Variants in HHAT observed in about 807,000 individuals in gnomAD.
HHAT encodes the protein hedgehog acyltransferase, also known as protein-cysteine N-palmitoyltransferase HHAT.
Under a neutral mutation model 70.8 loss-of-function variants are expected in HHAT, and 47 were observed. The ratio of observed to expected loss-of-function variants is 0.66; its 90% confidence interval spans 0.53 to 0.85. The LOEUF is 0.85. HHAT is among the 40% of genes least tolerant of loss of function. The pLI, the probability that HHAT is intolerant of heterozygous loss-of-function variation, is 0.00. For synonymous variants in HHAT, 228 were observed against 247.6 expected, an observed-to-expected ratio of 0.92 and a Z score of 0.74; for missense variants, 609 against 604.8, an observed-to-expected ratio of 1.01 and a Z score of -0.07.
At chr1:210,673,253 C>A (rs991930464) in intron 11 of HHAT, among the ~76,000 whole-genome samples, 4 of 152,084 alleles carry the variant, frequency 2.6e-5, no homozygotes, top group African/African-American at 9.7e-5. Context: ...TCTGGGGAGG[C>A]TGACCAAGAA....
Position 210,329,073 on chromosome 1 carries a change from T to C in HHAT, c.-75T>C. Reference sequence around the variant, plus strand: ...TGGGAACTCGCGGCGCGCGTGAACGTTGCCGTCGCCGCCGCCCGGGACAGC... The same window carrying C: ...TGGGAACTCGCGGCGCGCGTGAACGCTGCCGTCGCCGCCGCCCGGGACAGC... On this transcript the variant is annotated 5_prime_UTR_variant, in exon 1 of 12. Coordinates refer to ENST00000261458, the MANE Select transcript of HHAT (RefSeq NM_018194.6). 4 of 1,429,208 alleles carry C rather than the reference T, an allele frequency of 2.8e-6. No individual in the cohort carries two copies. Among genetic ancestry groups the C allele is most frequent in the Non-Finnish European group, 3.7e-6 (4 of 1,090,996 alleles). 88.5% of individuals were successfully genotyped at this position (1,429,208 alleles called of 1,614,324 possible). A position where few individuals can be genotyped will look rare whatever the true frequency, so the allele number is the denominator to read the frequency against.
In HHAT at chr1:210,572,738, A is replaced by AT. The variant is rs1204633218; in HGVS notation, c.1044-15160_1044-15159insT. Among the ~76,000 whole-genome samples, 68 of 151,412 alleles carry AT rather than the reference A, an allele frequency of 4.5e-4. 1 individual carries two copies. Among genetic ancestry groups the AT allele is most frequent in the African/African-American group, 1.6e-3 (66 of 41,294 alleles). ...GTGAGACCTGGTCTCTAAAATATAT[A>AT]AAAAAAAATGTAGCTGGGCATGGTG... is the stretch of plus-strand genomic sequence containing the variant. On this transcript the variant is annotated intron_variant, in intron 9 of 11. Coordinates refer to ENST00000261458, the MANE Select transcript of HHAT (RefSeq NM_018194.6).
intron 4 of HHAT, among the ~76,000 whole-genome samples, chr1:210,393,545 T>G (rs1162847805): frequency 6.6e-6 from 1 of 151,942 alleles, no homozygotes; most frequent in Non-Finnish European, 1.5e-5. Flanking sequence ...CCTGCCGTTC[T>G]GGTCTCAGAG....
chr1:210,356,017 A>C (rs1373368417), intron 2 of HHAT, among the ~76,000 whole-genome samples: 2 of 152,082 alleles, frequency 1.3e-5, no homozygotes, highest in South Asian at 4.2e-4. Context: ...CTTGGGCTCA[A>C]GTGATCCTCC....
At chr1:210,343,979 C>G (rs2086270879) in intron 1 of HHAT, among the ~76,000 whole-genome samples, 1 of 152,160 alleles carries the variant, frequency 6.6e-6, no homozygotes, top group Non-Finnish European at 1.5e-5. Flanking sequence ...CCTTCAACAA[C>G]CCTATAAGAA....
chr1:210,524,605 A>T (rs891552123), intron 9 of HHAT, among the ~76,000 whole-genome samples: 42 of 152,194 alleles, frequency 2.8e-4, no homozygotes, highest in African/African-American at 9.6e-4. Flanking sequence ...ATTGGGCTCC[A>T]TTTTGAATGT....
At chr1:210,627,189 C>G (rs1193749471) in intron 11 of HHAT, among the ~76,000 whole-genome samples, 3 of 152,112 alleles carry the variant, frequency 2.0e-5, no homozygotes, top group Admixed American at 6.6e-5. Context: ...CCTGGAAGAG[C>G]AGGAAGGGGC....
At chr1:210,638,171 A>G (rs1218042218) in intron 11 of HHAT, among the ~76,000 whole-genome samples, 3 of 152,218 alleles carry the variant, frequency 2.0e-5, no homozygotes, top group Non-Finnish European at 4.4e-5. Flanking sequence ...ACTATATGAC[A>G]TAGCAATTCT....
At chr1:210,467,789 C>T (rs2094134661) in intron 8 of HHAT, among the ~76,000 whole-genome samples, 1 of 152,146 alleles carries the variant, frequency 6.6e-6, no homozygotes, top group South Asian at 2.1e-4. Flanking sequence ...AATATTTAGC[C>T]ACCCCCCATT....
chr1:210,641,209 T>G (rs74158966), intron 11 of HHAT, among the ~76,000 whole-genome samples: 4,171 of 152,286 alleles, frequency 0.027, 194 homozygotes, highest in African/African-American at 0.096. Flanking sequence ...TCTCAGCACT[T>G]GTCTTCCTAT....
At chr1:210,340,528 C>T (rs2085949749) in intron 1 of HHAT, among the ~76,000 whole-genome samples, 1 of 152,132 alleles carries the variant, frequency 6.6e-6, no homozygotes, top group Admixed American at 6.5e-5. Flanking sequence ...CCAGAGTGCT[C>T]ATTTGTTCCT....
intron 8 of HHAT, among the ~76,000 whole-genome samples, chr1:210,473,102 G>C (rs1478867423): frequency 6.6e-6 from 1 of 152,182 alleles, no homozygotes; most frequent in South Asian, 2.1e-4. Context: ...ATTCTCTACA[G>C]AATGTAAATT....
At position 210,535,817 on chromosome 1, in the gene HHAT, A is replaced by T. The variant is rs1573115295; in HGVS notation, c.1043+22629A>T. On this transcript the variant is annotated intron_variant, in intron 9 of 11. Transcript: ENST00000261458. ...AAATAAACACACCCATGAAATAAAC[A>T]GTGTTCCAAACCAAACCCACTACAA... Among the ~76,000 whole-genome samples, 3 of 152,358 alleles carry T rather than the reference A, an allele frequency of 2.0e-5. No homozygotes were observed. The South Asian group carries it at 6.2e-4, about 32-fold the overall frequency.
chr1:210,447,241 G>C (rs984888438), intron 7 of HHAT, among the ~76,000 whole-genome samples: 1 of 152,132 alleles, frequency 6.6e-6, no homozygotes, highest in Non-Finnish European at 1.5e-5. Flanking sequence ...TGGTTGAGAG[G>C]AATAGCTGTG....
intron 1 of HHAT, among the ~76,000 whole-genome samples, chr1:210,344,276 GTTTCATTGAAACAATGTTATT>G: frequency 2.1e-5 from 1 of 48,438 alleles, no homozygotes; most frequent in South Asian, 6.7e-4. Flanking sequence ...CTATGTTATT[GTTTCATTGAAACAATGTTATT>G]GTTTCCTTAT....
intron 8 of HHAT, among the ~76,000 whole-genome samples, chr1:210,488,364 C>T (rs908812241): frequency 1.3e-5 from 2 of 152,170 alleles, no homozygotes; most frequent in African/African-American, 4.8e-5. Context: ...TTTCTTTTTA[C>T]TTTTTGCTGT....
chr1:210,634,430 T>C (rs1298092102), intron 11 of HHAT, among the ~76,000 whole-genome samples: 3 of 152,206 alleles, frequency 2.0e-5, no homozygotes, highest in African/African-American at 7.2e-5. Context: ...TTGAAACACA[T>C]CTGTTGAATC....
chr1:210,515,911 AATACAAAAAT>A (rs2095048309), intron 9 of HHAT, among the ~76,000 whole-genome samples: 1 of 152,062 alleles, frequency 6.6e-6, no homozygotes, highest in Non-Finnish European at 1.5e-5. Flanking sequence ...CTCTACTAAA[AATACAAAAAT>A]TAGCCAGGCG....
chr1:210,349,669 T>TTTTTG (rs2086840114), intron 2 of HHAT, among the ~76,000 whole-genome samples: 1 of 151,094 alleles, frequency 6.6e-6, no homozygotes, highest in Non-Finnish European at 1.5e-5. Context: ...TTTTTTTTTT[T>TTTTTG]GAGACCTAGT....
Sources: gnomAD v4.1 joint callset for allele counts (sites outside exome capture counted in the v4.1 genomes callset) on GRCh38, gnomAD v4.1.1 for gene constraint, MANE v1.5 for transcripts, NCBI Gene and HGNC (gene_info 2026-07-23, HGNC 2026-07-21) for gene names.